The following CES5A variants were observed in gnomAD, a reference collection of about 807,000 sequenced individuals.
CES5A encodes the protein carboxylesterase 5.
Under a neutral mutation model 62.9 loss-of-function variants are expected in CES5A, and 67 were observed. That is an observed-to-expected ratio of 1.07 (90% CI 0.88 to 1.31). The LOEUF is 1.31. Among genes scored for constraint, CES5A ranks in the 50% most tolerant of loss-of-function variants. The pLI is 0.00. For synonymous variants in CES5A, 296 were observed against 280.8 expected (o/e 1.05, Z -0.54); for missense variants, 748 against 708.5 (o/e 1.06, Z -0.63).
intron 3 of CES5A, among the ~76,000 whole-genome samples, chr16:55,871,117 C>A (rs1188501812): frequency 6.6e-6 from 1 of 152,182 alleles, no homozygotes; most frequent in Non-Finnish European, 1.5e-5. Context: ...CAGCCAGTTT[C>A]CCCTGGCAGA....
At chr16:55,937,275 C>G (rs762631443) in intron 2 of CES5A, among the ~76,000 whole-genome samples, 2 of 152,198 alleles carry the variant, frequency 1.3e-5, no homozygotes, top group Admixed American at 1.3e-4. Flanking sequence ...CCCCAATCAC[C>G]TTGCATGATG....
intron 1 of CES5A, among the ~76,000 whole-genome samples, chr16:55,889,419 C>T (rs1328010149): frequency 6.6e-6 from 1 of 152,140 alleles, no homozygotes; most frequent in African/African-American, 2.4e-5. Context: ...TCCCATGACC[C>T]CTCCTTAGAT....
At chr16:55,948,323 CAT>C (rs1314746765) in intron 2 of CES5A, among the ~76,000 whole-genome samples, 4 of 152,178 alleles carry the variant, frequency 2.6e-5, no homozygotes, top group East Asian at 1.9e-4. Context: ...ACTGAATCCA[CAT>C]GTTTCATGTG....
chr16:55,930,097 C>T (rs545578230), upstream of CES5A, among the ~76,000 whole-genome samples: 5 of 152,230 alleles, frequency 3.3e-5, no homozygotes, highest in South Asian at 8.3e-4. Context: ...AACACACCCA[C>T]GTAGCCATAA....
chr16:55,864,389 G>T lies in CES5A; in HGVS notation c.706-937C>A, dbSNP rs74606162. ...GAAATGCTGACCATTCTGAGCCAGT[G>T]GACCATTTTCTAACACCTCTGTACA... On this transcript the variant is annotated intron_variant, in intron 5 of 12. Transcript: ENST00000290567. 8.3e-4 allele frequency among the ~76,000 whole-genome samples: 126 copies of T among 152,266 alleles called. No individual in the cohort carries two copies. The East Asian group carries it at 0.021, about 25-fold the overall frequency.
intron 2 of CES5A, among the ~76,000 whole-genome samples, chr16:55,948,107 C>A (rs1214467964): frequency 1.3e-5 from 2 of 152,046 alleles, no homozygotes; most frequent in East Asian, 3.9e-4. Context: ...TGATGTCGAT[C>A]AATTTAGAGG....
At chr16:55,937,057 C>T (rs1411123668) in intron 2 of CES5A, among the ~76,000 whole-genome samples, 9 of 152,134 alleles carry the variant, frequency 5.9e-5, no homozygotes, top group African/African-American at 1.9e-4. Context: ...CAGAGTAAGA[C>T]AAATACCACA....
intron 4 of CES5A, 97 bp from the exon 5 acceptor site, chr16:55,866,213 G>T: frequency 8.1e-7 from 1 of 1,228,214 alleles, no homozygotes; most frequent in Admixed American, 2.6e-5. Flanking sequence ...AGGGGTCAGT[G>T]GGGAGGGGGC....
At chr16:55,934,458 TC>T (rs1284489218) in intron 2 of CES5A, among the ~76,000 whole-genome samples, 2 of 152,214 alleles carry the variant, frequency 1.3e-5, no homozygotes, top group African/African-American at 4.8e-5. Flanking sequence ...ACAATATTGA[TC>T]CACGGACTGG....
At chr16:55,931,309 A>G (rs1394319436) in intron 2 of CES5A, among the ~76,000 whole-genome samples, 2 of 152,356 alleles carry the variant, frequency 1.3e-5, no homozygotes, top group South Asian at 2.1e-4. Flanking sequence ...AGAGAAATCT[A>G]TGCAGCCAAT....
Position 55,950,789 on chromosome 16 carries a change from G to A in CES5A, c.43-887C>T, listed in dbSNP as rs150555132. Among the ~76,000 whole-genome samples the A allele has an allele frequency of 8.3e-4, 126 of 152,100 alleles. 2 individuals carry two copies. The East Asian group carries it at 0.021, about 25-fold the overall frequency. ...TTTAGATTGAATGGATCTATCAACT[G>A]CAGAGTAAGTAAATAAAAAGACCCA... On this transcript the variant is annotated intron_variant, in intron 1 of 13. Coordinates refer to the CES5A transcript ENST00000521992.
intron 3 of CES5A, among the ~76,000 whole-genome samples, chr16:55,871,170 T>C (rs2033575710): frequency 6.6e-6 from 1 of 152,200 alleles, no homozygotes; most frequent in African/African-American, 2.4e-5. Flanking sequence ...GGCTAAAACA[T>C]AGAACATGCC....
upstream of CES5A, among the ~76,000 whole-genome samples, chr16:55,928,908 C>T (rs150900560): frequency 9.7e-4 from 147 of 152,318 alleles, 2 homozygotes; most frequent in African/African-American, 3.4e-3. Context: ...TCCCAGGTGA[C>T]TCTGACCTCA....
intron 2 of CES5A, among the ~76,000 whole-genome samples, chr16:55,936,318 C>G (rs1323087838): frequency 6.6e-6 from 1 of 152,206 alleles, no homozygotes; most frequent in Admixed American, 6.5e-5. Flanking sequence ...TGCAGCTCTG[C>G]AATCCCACGT....
At chr16:55,864,653 G>A (rs770430267) in intron 5 of CES5A, among the ~76,000 whole-genome samples, 1 of 152,108 alleles carries the variant, frequency 6.6e-6, no homozygotes, top group Non-Finnish European at 1.5e-5. Context: ...CCAGCACTTT[G>A]GGAAGCCAAA....
intron 1 of CES5A, among the ~76,000 whole-genome samples, chr16:55,903,819 CA>C (rs1456444321): frequency 6.6e-6 from 1 of 152,162 alleles, no homozygotes; most frequent in African/African-American, 2.4e-5. Context: ...TTAAAGCCAT[CA>C]AAGAAATTGT....
upstream of CES5A, chr16:55,875,452 G>A (rs1476190044): frequency 4.6e-6 from 5 of 1,095,716 alleles, no homozygotes; most frequent in African/African-American, 4.9e-5. Flanking sequence ...TTGAGCTGGG[G>A]AAAGATAATT....
chr16:55,949,837 T>C, exon 2 of CES5A: 1 of 1,526,812 alleles, frequency 6.5e-7, no homozygotes, highest in Non-Finnish European at 8.8e-7. Flanking sequence ...CATACAAAGT[T>C]GAGGAGGCTG....
chr16:55,873,833 A>C lies in CES5A; in HGVS notation c.278T>G (p.Leu93Trp), dbSNP rs762019047. The C allele has an allele frequency of 3.1e-6, 5 of 1,610,986 alleles. No homozygotes were observed. Among genetic ancestry groups the C allele is most frequent in the Middle Eastern group, 3.3e-4 (2 of 6,052 alleles). Residue 93 changes from leucine to tryptophan, a missense_variant and splice_region_variant, in exon 2 of 13, where the codon TTG (leucine) becomes TGG (tryptophan). Leu to Trp is a moderately conservative substitution (Grantham distance 61). Coordinates refer to ENST00000290567, the MANE Select transcript of CES5A (RefSeq NM_001143685.2). ...NLREATSYPN[L>W]CLQNSEWLLL... is the part of the protein sequence containing the mutation. ...CCCGTGGGCCCGAACCTGGTCTTAC[A>C]AATTAGGGTAGGAGGTGGCTTCTCG... is the stretch of plus-strand genomic sequence containing the variant.
Sources: gnomAD v4.1 joint callset for allele counts (sites outside exome capture counted in the v4.1 genomes callset) on GRCh38, gnomAD v4.1.1 for gene constraint, MANE v1.5 for transcripts, NCBI Gene and HGNC (gene_info 2026-07-23, HGNC 2026-07-21) for gene names.